The following ABL1 variants were observed in gnomAD, a reference collection of about 807,000 sequenced individuals.
ABL1 encodes the protein ABL proto-oncogene 1, non-receptor tyrosine kinase.
In ABL1, 11 loss-of-function variants were observed where a neutral mutation model predicts 94.7. That is an observed-to-expected ratio of 0.12 (90% CI 0.07 to 0.19). The LOEUF (loss-of-function observed/expected upper bound fraction) is 0.19. Ranked by LOEUF, ABL1 falls within the 10% of genes least tolerant of loss-of-function variation. The pLI is 1.00. For synonymous variants in ABL1, 656 were observed against 622.4 expected, an observed-to-expected ratio of 1.05 and a Z score of -0.80; for missense variants, 1,082 against 1,489.4, an observed-to-expected ratio of 0.73 and a Z score of 4.50.
intron 1 of ABL1, among the ~76,000 whole-genome samples, chr9:130,804,297 C>T (rs553018620): frequency 3.4e-5 from 3 of 88,402 alleles, no homozygotes; most frequent in East Asian, 4.6e-4. Flanking sequence ...AGGCGGATCT[C>T]GGCAGTGAGC....
At chr9:130,774,925 A>G (rs913215490) in intron 1 of ABL1, among the ~76,000 whole-genome samples, 4 of 152,080 alleles carry the variant, frequency 2.6e-5, no homozygotes, top group Non-Finnish European at 5.9e-5. Flanking sequence ...AAAGAAAACA[A>G]AGAGAAAGAA....
At chr9:130,846,501 G>A (rs1007624322) in intron 1 of ABL1, among the ~76,000 whole-genome samples, 2 of 152,178 alleles carry the variant, frequency 1.3e-5, no homozygotes, top group East Asian at 1.9e-4. Context: ...CGTTTGTCAC[G>A]TCTGACATGC....
At chr9:130,839,909 AC>A (rs954722506) in intron 1 of ABL1, among the ~76,000 whole-genome samples, 2 of 152,142 alleles carry the variant, frequency 1.3e-5, no homozygotes, top group African/African-American at 4.8e-5. Context: ...GCCAGTCTGG[AC>A]CCAAATGCCA....
chr9:130,854,719 T>G, intron 2 of ABL1, 82 bp from the exon 3 acceptor site: 1 of 1,403,250 alleles, frequency 7.1e-7, no homozygotes, highest in Non-Finnish European at 9.7e-7. Flanking sequence ...TGGAGATTTT[T>G]AGTAGTTACA....
chr9:130,759,008 G>A (rs986436685), intron 1 of ABL1, among the ~76,000 whole-genome samples: 5 of 152,046 alleles, frequency 3.3e-5, no homozygotes. Flanking sequence ...AACCTCTTTC[G>A]GTCCGAACAC....
rs1357908737 is a variant in ABL1 at position 130,885,896 on chromosome 9, GTC to G, written c.*217_*218del. The G allele has an allele frequency of 1.6e-6, 1 of 621,984 alleles. No individual in the cohort carries two copies. The allele number at this position is 621,984 out of a possible 1,614,324, so 38.5% of individuals were successfully genotyped here. A position where few individuals can be genotyped will look rare whatever the true frequency, so the allele number is the denominator to read the frequency against. Reference sequence around the variant, plus strand: ...CCCGCACCTTCCTCCTCCCCGCTCCGTCTCTGTCCTCGAATTTTATCTGTGGA... The same window carrying G: ...CCCGCACCTTCCTCCTCCCCGCTCCGTCTGTCCTCGAATTTTATCTGTGGA... On this transcript the variant is annotated 3_prime_UTR_variant, in exon 11 of 11. Transcript: ENST00000318560.
chr9:130,877,224 G>A (rs6597646), intron 7 of ABL1, among the ~76,000 whole-genome samples: 14,452 of 147,800 alleles, frequency 0.098, 2,928 homozygotes, highest in African/African-American at 0.28. Flanking sequence ...TGACGTCCGC[G>A]CCCTCAAATG....
chr9:130,870,663 C>T (rs757259548), intron 4 of ABL1, among the ~76,000 whole-genome samples: 1 of 152,160 alleles, frequency 6.6e-6, no homozygotes, highest in South Asian at 2.1e-4. Context: ...AAGAATTAAA[C>T]GGCCAATGGG....
intron 1 of ABL1, among the ~76,000 whole-genome samples, chr9:130,733,014 A>G (rs866195687): frequency 7.9e-5 from 12 of 152,238 alleles, no homozygotes; most frequent in South Asian, 4.1e-4. Context: ...TGCTAAACAG[A>G]GAAGGGGAGT....
intron 3 of ABL1, among the ~76,000 whole-genome samples, chr9:130,861,735 C>T (rs1831075496): frequency 6.6e-6 from 1 of 152,182 alleles, no homozygotes; most frequent in Non-Finnish European, 1.5e-5. Flanking sequence ...TTCTTTCCAC[C>T]TTCAGTGATG....
intron 1 of ABL1, among the ~76,000 whole-genome samples, chr9:130,728,428 C>T (rs1228037296): frequency 5.4e-5 from 8 of 149,170 alleles, no homozygotes; most frequent in African/African-American, 2.0e-4. Context: ...CTCTGTCGCC[C>T]AGGCTGGAGT....
intron 1 of ABL1, among the ~76,000 whole-genome samples, chr9:130,718,944 TTGC>T (rs1425787781): frequency 6.6e-6 from 1 of 152,202 alleles, no homozygotes; most frequent in Non-Finnish European, 1.5e-5. Flanking sequence ...GGGATGTTTG[TTGC>T]TGAAGTACTA....
At position 130,863,103 on chromosome 9, in the gene ABL1, A is replaced by G; in HGVS notation, c.822+68A>G. ...GGCGTCTGCTGGCATTAGGCGATGC[A>G]TCTGCCTGGAAGTCTACCTCCTGCC... On this transcript the variant is annotated intron_variant, in intron 4 of 10. Coordinates refer to ENST00000318560, the MANE Select transcript of ABL1 (RefSeq NM_005157.6). This position sits in a 1 kb window ranked among gnomAD's most constrained non-coding sequence, Gnocchi z 4.3. 5 of 1,487,896 alleles carry G rather than the reference A, an allele frequency of 3.4e-6. No homozygotes were observed. In the Admixed American group the frequency reaches 6.9e-5, roughly 20 times the overall value. The allele number at this position is 1,487,896 out of a possible 1,614,324, so 92.2% of individuals were successfully genotyped here.
chr9:130,880,924 C>T lies in ABL1; in HGVS notation c.1678+260C>T, dbSNP rs1009849662. Among the ~76,000 whole-genome samples the T allele has an allele frequency of 2.6e-5, 4 of 152,216 alleles. No homozygotes were observed. The highest frequency in any genetic ancestry group is 7.2e-5 in the African/African-American group (3 of 41,454). ...TGTAGGCAGAGGTGCTTCTGAAGCCCGCCAAGGAGCTAGCCCATCTCCCAC... is the reference window on the plus strand; with the variant it reads ...TGTAGGCAGAGGTGCTTCTGAAGCCTGCCAAGGAGCTAGCCCATCTCCCAC... On this transcript the variant is annotated intron_variant, in intron 10 of 10. Coordinates refer to ENST00000318560, the MANE Select transcript of ABL1 (RefSeq NM_005157.6). This position sits in a 1 kb window ranked among gnomAD's most constrained non-coding sequence, Gnocchi z 4.4.
rs1273529855 is a variant in ABL1, at chr9:130,874,433, A to G, written c.1086-435A>G. ...TGCACTCTGATAGAAGTTTCTTGCAATCAAGGACTGGGCTCAGTGTTTGTC... is the reference window on the plus strand; with the variant it reads ...TGCACTCTGATAGAAGTTTCTTGCAGTCAAGGACTGGGCTCAGTGTTTGTC... On this transcript the variant is annotated intron_variant, in intron 6 of 10. Transcript: ENST00000318560. Among the ~76,000 whole-genome samples the G allele has an allele frequency of 1.3e-5, 2 of 152,338 alleles. 1 individual carries two copies. The highest frequency in any genetic ancestry group is 4.1e-4 in the South Asian group (2 of 4,824).
chr9:130,810,168 G>A (rs1488224705), intron 1 of ABL1, among the ~76,000 whole-genome samples: 2 of 152,148 alleles, frequency 1.3e-5, no homozygotes, highest in African/African-American at 4.8e-5. Flanking sequence ...TGTTCAGTAA[G>A]CTAAAGAAAA....
intron 1 of ABL1, among the ~76,000 whole-genome samples, chr9:130,719,643 C>G (rs1017091034): frequency 3.9e-5 from 6 of 152,174 alleles, no homozygotes; most frequent in African/African-American, 1.4e-4. Flanking sequence ...TGAAGACAAA[C>G]CAATTTCTTT....
At position 130,814,730 on chromosome 9, in the gene ABL1, C is replaced by A. The variant is rs1244117847; in HGVS notation, c.137-39334C>A. ...GTCTCCACTAAAAATACAAAAAATT[C>A]TCCGGGCGTGGTGGCGGGCGCCTGT... On this transcript the variant is annotated intron_variant, in intron 1 of 10. Coordinates refer to the ABL1 transcript ENST00000372348. This position sits in a 1 kb window ranked among gnomAD's most constrained non-coding sequence, Gnocchi z 4.4. 2.0e-5 allele frequency among the ~76,000 whole-genome samples: 3 copies of A among 151,934 alleles called. No individual in the cohort carries two copies. The highest frequency in any genetic ancestry group is 2.0e-4 in the East Asian group (1 of 5,120).
intron 1 of ABL1, among the ~76,000 whole-genome samples, chr9:130,846,670 G>T (rs943358581): frequency 6.6e-6 from 1 of 152,156 alleles, no homozygotes. Flanking sequence ...GAAGCTTCCC[G>T]GGGATGTTTT....
Sources: gnomAD v4.1 joint callset for allele counts (sites outside exome capture counted in the v4.1 genomes callset) on GRCh38, gnomAD v4.1.1 for gene constraint, Gnocchi (gnomAD v3.1) non-coding constraint, MANE v1.5 for transcripts, NCBI Gene and HGNC (gene_info 2026-07-23, HGNC 2026-07-21) for gene names.